KIF1A: variants seen among roughly 807,000 people sequenced by gnomAD.
The protein encoded by KIF1A is kinesin-like protein KIF1A.
A neutral mutation model predicts 227.3 loss-of-function variants in KIF1A; 46 were observed. That is an observed-to-expected ratio of 0.20 (90% CI 0.16 to 0.26). The LOEUF (loss-of-function observed/expected upper bound fraction) is 0.26. Among genes scored for constraint, KIF1A ranks in the 10% least tolerant of loss-of-function variants. KIF1A has a pLI of 1.00. For missense variants in KIF1A, 1,683 were observed against 2,485.9 expected (o/e 0.68, Z 6.87); for synonymous variants, 1,022 against 1,012.8 (o/e 1.01, Z -0.17).
intron 10 of KIF1A, among the ~76,000 whole-genome samples, chr2:240,781,503 C>CCACACACA (rs538611637): frequency 2.5e-5 from 3 of 119,376 alleles, no homozygotes; most frequent in African/African-American, 3.2e-5. Flanking sequence ...ACACACAGCT[C>CCACACACA]CACACACACA....
At chr2:240,808,469 A>C (rs1211492310) in intron 1 of KIF1A, among the ~76,000 whole-genome samples, 1 of 151,600 alleles carries the variant, frequency 6.6e-6, no homozygotes, top group East Asian at 1.9e-4. Flanking sequence ...GACCAGCCTG[A>C]GCAACATAGC....
rs1041612120 is a variant in KIF1A, at chr2:240,726,186, G to A, written c.4122+640C>T. On this transcript the variant is annotated intron_variant, in intron 39 of 48. Transcript: ENST00000498729. The surrounding 1 kb of genome is among the most constrained non-coding windows in gnomAD (Gnocchi z 5.2). ...ATGTACTGCAGACTCTGGGGGTGCT[G>A]TGGGGATGGAACACTTCTGTTTTTG... 1.3e-5 allele frequency among the ~76,000 whole-genome samples: 2 copies of A among 152,252 alleles called. No individual in the cohort carries two copies. Among genetic ancestry groups the A allele is most frequent in the Non-Finnish European group, 2.9e-5 (2 of 68,050 alleles).
At chr2:240,783,617 C>T (rs2126053503) in intron 8 of KIF1A, 122 bp downstream of exon 8, 1 of 714,200 alleles carries the variant, frequency 1.4e-6, no homozygotes, top group East Asian at 2.7e-5. Flanking sequence ...GCCCACCCTC[C>T]CTATGCAGGC....
At chr2:240,754,717 C>T (rs1204799624) in intron 27 of KIF1A, among the ~76,000 whole-genome samples, 2 of 152,182 alleles carry the variant, frequency 1.3e-5, no homozygotes, top group African/African-American at 4.8e-5. Flanking sequence ...GTAGCCCAGG[C>T]CTGTCCCTAC....
rs10594016 is a variant in KIF1A at position 240,757,423 on chromosome 2, ATCCTCCTCCTCCTCC to A, written c.2739_2753del (p.Glu913_Glu917del). The stretch of plus-strand genomic sequence containing the variant: ...CGTCCTCCAGGTCCTCCTCCTCCTC[ATCCTCCTCCTCCTCC>A]TCCTCCTCCTCCTCCTCCCCCACGC... On this transcript the variant is annotated inframe_deletion, in exon 27 of 49. Transcript: ENST00000498729. This position sits in a 1 kb window ranked among gnomAD's most constrained non-coding sequence, Gnocchi z 6.2. The A allele has an allele frequency of 1.8e-5, 26 of 1,482,770 alleles. No individual in the cohort carries two copies. Among genetic ancestry groups the A allele is most frequent in the East Asian group, 5.2e-5 (2 of 38,826 alleles). The allele number at this position is 1,482,770 out of a possible 1,614,324, so 91.9% of individuals were successfully genotyped here. A position where few individuals can be genotyped will look rare whatever the true frequency, so the allele number is the denominator to read the frequency against.
At chr2:240,718,347 A>G (rs1290545707) in intron 47 of KIF1A, among the ~76,000 whole-genome samples, 179 bp from the exon 48 acceptor site, 2 of 152,144 alleles carry the variant, frequency 1.3e-5, no homozygotes, top group Non-Finnish European at 2.9e-5. Flanking sequence ...TGCCTTCTGG[A>G]CGCATCTGCG....
Position 240,741,412 on chromosome 2 carries a change from A to G in KIF1A, c.3641-35T>C. On this transcript the variant is annotated intron_variant, in intron 34 of 48. Coordinates refer to ENST00000498729, the MANE Select transcript of KIF1A (RefSeq NM_001244008.2). ...CAGGAGGGAGGCATGCATGGATGGG[A>G]GACCTGACCTATCACGTGCCAAGGG... 6 of 1,455,884 alleles carry G rather than the reference A, an allele frequency of 4.1e-6. 1 individual carries two copies. Among genetic ancestry groups the G allele is most frequent in the Non-Finnish European group, 5.5e-6 (6 of 1,086,822 alleles). The allele number at this position is 1,455,884 out of a possible 1,614,324, so 90.2% of individuals were successfully genotyped here. A position where few individuals can be genotyped will look rare whatever the true frequency, so the allele number is the denominator to read the frequency against.
intron 10 of KIF1A, among the ~76,000 whole-genome samples, chr2:240,777,940 C>T (rs1206273298): frequency 6.6e-6 from 1 of 152,214 alleles, no homozygotes; most frequent in Non-Finnish European, 1.5e-5. Context: ...GCGGTTCCCA[C>T]GCGGTGCTTC....
chr2:240,763,656 C>T (rs1180658113), intron 20 of KIF1A, among the ~76,000 whole-genome samples: 5 of 152,218 alleles, frequency 3.3e-5, no homozygotes, highest in African/African-American at 9.6e-5. Flanking sequence ...TGCCCCCAAG[C>T]CCCTGTGCAC....
intron 1 of KIF1A, among the ~76,000 whole-genome samples, chr2:240,815,964 T>C (rs781024640): frequency 6.6e-6 from 1 of 152,122 alleles, no homozygotes; most frequent in Non-Finnish European, 1.5e-5. Context: ...CAGTGTTCTC[T>C]GTCTTCTTCC....
At chr2:240,817,021 C>T (rs1314880185) in intron 1 of KIF1A, among the ~76,000 whole-genome samples, 1 of 152,226 alleles carries the variant, frequency 6.6e-6, no homozygotes, top group African/African-American at 2.4e-5. Flanking sequence ...GGCTCAGGAG[C>T]TAAAGAGCAA....
intron 10 of KIF1A, among the ~76,000 whole-genome samples, chr2:240,776,234 C>A (rs1250655132): frequency 6.6e-6 from 1 of 152,222 alleles, no homozygotes; most frequent in Non-Finnish European, 1.5e-5. Flanking sequence ...GCTGATGTCA[C>A]CAGCAAGTGT....
rs537822456 is a variant in KIF1A at position 240,757,056 on chromosome 2, G to A, written c.2858+263C>T. The stretch of plus-strand genomic sequence containing the variant: ...GGGCCACAGCTGCAAGCTCCGGGGT[G>A]CACTACCTCTTCTGTACCTGGAACC... On this transcript the variant is annotated intron_variant, in intron 27 of 48. Coordinates refer to ENST00000498729, the MANE Select transcript of KIF1A (RefSeq NM_001244008.2). The surrounding 1 kb of genome is among the most constrained non-coding windows in gnomAD (Gnocchi z 6.2). Among the ~76,000 whole-genome samples the A allele has an allele frequency of 3.1e-4, 47 of 152,334 alleles. No homozygotes were observed. The South Asian group carries it at 8.7e-3, about 28-fold the overall frequency.
rs375874661 is a variant in KIF1A at position 240,717,329 on chromosome 2, G to T, written c.*35C>A. 1.2e-4 allele frequency: 189 copies of T among 1,597,112 alleles called. No individual in the cohort carries two copies. The highest frequency in any genetic ancestry group is 1.5e-4 in the Non-Finnish European group (172 of 1,168,082). On this transcript the variant is annotated 3_prime_UTR_variant, in exon 49 of 49. Coordinates refer to ENST00000498729, the MANE Select transcript of KIF1A (RefSeq NM_001244008.2). ...CAGACGAGGATGAGGGAGGGGATGGGCTGGGCCTGCCGGCTGTCACGGGAG... is the reference window on the plus strand; with the variant it reads ...CAGACGAGGATGAGGGAGGGGATGGTCTGGGCCTGCCGGCTGTCACGGGAG...
intron 6 of KIF1A, 73 bp downstream of exon 6, chr2:240,786,262 G>A: frequency 6.9e-7 from 1 of 1,456,576 alleles, no homozygotes; most frequent in Non-Finnish European, 9.6e-7. Flanking sequence ...CCAGGACCGA[G>A]GTGAAGGGGC....
At chr2:240,718,257 AGG>A in intron 47 of KIF1A, 89 bp from the exon 48 acceptor site, 2 of 906,534 alleles carry the variant, frequency 2.2e-6, no homozygotes, top group Non-Finnish European at 1.8e-6. Flanking sequence ...CAGGCAGGGG[AGG>A]GGCACTGCCA....
chr2:240,759,837 T>C (rs954693501), intron 25 of KIF1A, among the ~76,000 whole-genome samples: 1 of 151,932 alleles, frequency 6.6e-6, no homozygotes, highest in Non-Finnish European at 1.5e-5. Flanking sequence ...CGAGACCTCA[T>C]CTCTACCACA....
At position 240,739,960 on chromosome 2, in the gene KIF1A, G is replaced by T. The variant is rs904321105; in HGVS notation, c.3901+98C>A. 2 of 871,042 alleles carry T rather than the reference G, an allele frequency of 2.3e-6. No individual in the cohort carries two copies. Among genetic ancestry groups the T allele is most frequent in the Non-Finnish European group, 3.7e-6 (2 of 535,724 alleles). The allele number at this position is 871,042 out of a possible 1,614,324, so 54.0% of individuals were successfully genotyped here. A position where few individuals can be genotyped will look rare whatever the true frequency, so the allele number is the denominator to read the frequency against. On this transcript the variant is annotated intron_variant, in intron 37 of 48. Coordinates refer to ENST00000498729, the MANE Select transcript of KIF1A (RefSeq NM_001244008.2). The surrounding 1 kb of genome is among the most constrained non-coding windows in gnomAD (Gnocchi z 5.6). The stretch of plus-strand genomic sequence containing the variant: ...CGGCCAGGGTCACGCAGCAACAGAC[G>T]CAGAGGTGTGGTTAGAACCCGGGTA...
chr2:240,784,032 C>T (rs897765699), intron 7 of KIF1A, among the ~76,000 whole-genome samples: 1 of 152,162 alleles, frequency 6.6e-6, no homozygotes, highest in Non-Finnish European at 1.5e-5. Context: ...AGTTGAGTGC[C>T]CAGCCACCTC....
Sources: gnomAD v4.1 joint callset for allele counts (sites outside exome capture counted in the v4.1 genomes callset) on GRCh38, gnomAD v4.1.1 for gene constraint, Gnocchi (gnomAD v3.1) non-coding constraint, MANE v1.5 for transcripts, NCBI Gene and HGNC (gene_info 2026-07-23, HGNC 2026-07-21) for gene names.